The following HSF2BP variants were observed in gnomAD, a reference collection of about 807,000 sequenced individuals.
The protein encoded by HSF2BP is heat shock transcription factor 2 binding protein.
Under a neutral mutation model 35.0 loss-of-function variants are expected in HSF2BP, and 35 were observed. The ratio of observed to expected loss-of-function variants is 1.00; its 90% CI spans 0.76 to 1.32. The LOEUF (loss-of-function observed/expected upper bound fraction) is 1.32. Among genes scored for constraint, HSF2BP ranks in the 40% most tolerant of loss-of-function variants. HSF2BP has a pLI of 0.00. For synonymous variants in HSF2BP, 114 were observed against 117.4 expected (o/e 0.97, Z 0.18); for missense variants, 326 against 321.7 (o/e 1.01, Z -0.10).
chr21:43,581,333 C>T (rs1053769051), intron 8 of HSF2BP, among the ~76,000 whole-genome samples: 19 of 151,658 alleles, frequency 1.3e-4, no homozygotes, highest in Admixed American at 7.9e-4. Context: ...TTGCAGTGAG[C>T]CAAGATCACG....
At chr21:43,632,110 C>A (rs552174516) in intron 5 of HSF2BP, among the ~76,000 whole-genome samples, 8 of 55,180 alleles carry the variant, frequency 1.4e-4, no homozygotes, top group African/African-American at 5.6e-4. Context: ...TCTCCCCACA[C>A]ACACGCTCCC....
intron 5 of HSF2BP, among the ~76,000 whole-genome samples, chr21:43,632,271 TC>T (rs1364461461): frequency 1.0e-4 from 1 of 9,916 alleles, no homozygotes; most frequent in African/African-American, 6.9e-4. Flanking sequence ...ACACACACGC[TC>T]CCCCCACACA....
At chr21:43,654,153 A>G (rs2082834298) in intron 3 of HSF2BP, among the ~76,000 whole-genome samples, 1 of 152,250 alleles carries the variant, frequency 6.6e-6, no homozygotes, top group East Asian at 1.9e-4. Flanking sequence ...GTAAAGTGTC[A>G]TAATGACCTC....
intron 8 of HSF2BP, among the ~76,000 whole-genome samples, chr21:43,588,238 T>A (rs1035782566): frequency 6.6e-6 from 1 of 151,902 alleles, no homozygotes; most frequent in Admixed American, 6.6e-5. Flanking sequence ...ATTAGCCAGG[T>A]GTAGTGGCAG....
At chr21:43,603,908 T>C (rs1419505203) in intron 7 of HSF2BP, among the ~76,000 whole-genome samples, 1 of 152,132 alleles carries the variant, frequency 6.6e-6, no homozygotes, top group African/African-American at 2.4e-5. Flanking sequence ...GACATGGACA[T>C]GTGGCCCAAT....
chr21:43,587,768 C>T (rs2081874254), intron 8 of HSF2BP, among the ~76,000 whole-genome samples: 1 of 151,562 alleles, frequency 6.6e-6, no homozygotes, highest in South Asian at 2.1e-4. Flanking sequence ...ATCCATAAGC[C>T]AAAGCTTAAG....
chr21:43,642,643 G>A lies in HSF2BP; in HGVS notation c.291+1646C>T, dbSNP rs530325822. Reference sequence around the variant, plus strand: ...TATATTAAATTGGACTATTCAACAAGATTTTTAACTATAAATAGGGAATAG... The same window carrying A: ...TATATTAAATTGGACTATTCAACAAAATTTTTAACTATAAATAGGGAATAG... On this transcript the variant is annotated intron_variant, in intron 4 of 8. Transcript: ENST00000291560. Among the ~76,000 whole-genome samples, 25 of 152,120 alleles carry A rather than the reference G, an allele frequency of 1.6e-4. 1 individual carries two copies. The East Asian group carries it at 4.8e-3, about 29-fold the overall frequency.
At chr21:43,616,299 G>T (rs2146934614) in intron 6 of HSF2BP, among the ~76,000 whole-genome samples, 1 of 152,284 alleles carries the variant, frequency 6.6e-6, no homozygotes, top group South Asian at 2.1e-4. Context: ...GAGTCACTAT[G>T]AAAGAGTCCA....
Position 43,659,482 on chromosome 21 carries a change from C to T in HSF2BP, c.-321G>A. 2 of 479,702 alleles carry T rather than the reference C, an allele frequency of 4.2e-6. No homozygotes were observed. Among genetic ancestry groups the T allele is most frequent in the Admixed American group, 5.3e-5 (1 of 18,898 alleles). 29.7% of individuals were successfully genotyped at this position (479,702 alleles called of 1,614,324 possible). A position where few individuals can be genotyped will look rare whatever the true frequency, so the allele number is the denominator to read the frequency against. On this transcript the variant is annotated 5_prime_UTR_variant, in exon 1 of 9. Coordinates refer to ENST00000291560, the MANE Select transcript of HSF2BP (RefSeq NM_007031.2). The surrounding 1 kb of genome is among the most constrained non-coding windows in gnomAD (Gnocchi z 4.2). Reference sequence around the variant, plus strand: ...CTCCGCCAGCTGCCAGGGCCACTGCCGCGCTCACTCCCAGAGCGCGCTGCG... The same window carrying T: ...CTCCGCCAGCTGCCAGGGCCACTGCTGCGCTCACTCCCAGAGCGCGCTGCG...
rs147495134 is a variant in HSF2BP at position 43,588,000 on chromosome 21, T to A, written c.796+4225A>T. Among the ~76,000 whole-genome samples, 6 of 152,322 alleles carry A rather than the reference T, an allele frequency of 3.9e-5. No homozygotes were observed. In the East Asian group the frequency reaches 1.2e-3, roughly 29 times the overall value. ...TAGGATTACTGGCTGCAAATTAGCC[T>A]AAGTAGAGACTGGCATATTGTTTCA... On this transcript the variant is annotated intron_variant, in intron 8 of 8. Transcript: ENST00000291560.
chr21:43,595,778 G>A (rs1485824772), intron 7 of HSF2BP, among the ~76,000 whole-genome samples: 1 of 102,994 alleles, frequency 9.7e-6, no homozygotes, highest in East Asian at 3.4e-4. Flanking sequence ...GAGTTAGAGT[G>A]CAGTGGCGCC....
chr21:43,645,545 A>G (rs183720082), intron 3 of HSF2BP, among the ~76,000 whole-genome samples: 1 of 152,210 alleles, frequency 6.6e-6, no homozygotes, highest in South Asian at 2.1e-4. Context: ...CAGCTACCTA[A>G]TATTTGTCAC....
rs2081936587 is a variant in HSF2BP, at chr21:43,592,300, T to C, written c.721A>G (p.Ser241Gly). 1.2e-6 allele frequency: 2 copies of C among 1,613,176 alleles called. No homozygotes were observed. The highest frequency in any genetic ancestry group is 1.7e-5 in the Admixed American group (1 of 59,988). ...TATTTCAAGCCTTTCAAATTGATGC[T>C]TACATTGTATAGGGACATCAGCATT... ...VLMLMSLYNVSINLKGLKYIS... is the reference protein window; with the variant it reads ...VLMLMSLYNVGINLKGLKYIS... The change falls in exon 8 of 9, where the codon AGC (serine) becomes GGC (glycine). Residue 241 changes from serine (S) to glycine (G), a missense_variant. Transcript: ENST00000291560.
chr21:43,575,078 G>A (rs2081625751), intron 8 of HSF2BP, among the ~76,000 whole-genome samples: 1 of 152,184 alleles, frequency 6.6e-6, no homozygotes, highest in South Asian at 2.1e-4. Flanking sequence ...GTGCTTTTCA[G>A]GCAGCTCCTT....
intron 7 of HSF2BP, among the ~76,000 whole-genome samples, chr21:43,596,029 A>G (rs1234889819): frequency 6.6e-6 from 1 of 151,944 alleles, no homozygotes; most frequent in African/African-American, 2.4e-5. Flanking sequence ...AAGGCTAAAT[A>G]TTTCATACTG....
intron 7 of HSF2BP, among the ~76,000 whole-genome samples, chr21:43,601,150 G>T (rs2082046935): frequency 6.6e-6 from 1 of 152,072 alleles, no homozygotes; most frequent in Non-Finnish European, 1.5e-5. Context: ...ACGTTCTCTG[G>T]AGTACACATG....
intron 6 of HSF2BP, 130 bp downstream of exon 6, chr21:43,630,187 ATAGTG>A (rs1268296680): frequency 3.7e-5 from 24 of 646,476 alleles, no homozygotes; most frequent in Non-Finnish European, 5.4e-5. Context: ...AGACTACAGT[ATAGTG>A]TAAACATAAT....
rs1555859798 is a variant in HSF2BP, at chr21:43,596,904, A to AG, written c.693-4577_693-4576insC. Among the ~76,000 whole-genome samples, 167 of 136,020 alleles carry AG rather than the reference A, an allele frequency of 1.2e-3. 18 individuals are homozygous for AG. Among genetic ancestry groups the AG allele is most frequent in the African/African-American group, 1.4e-3 (51 of 35,952 alleles). The allele number at this position is 136,020 out of a possible 152,430, so 89.2% of individuals were successfully genotyped here. A position where few individuals can be genotyped will look rare whatever the true frequency, so the allele number is the denominator to read the frequency against. On this transcript the variant is annotated intron_variant, in intron 7 of 8. Transcript: ENST00000291560. ...CCTGTCTCAAAAAAAAAAAAAAAAA[A>AG]AGAGAATTTTTTTTTATAAAGAGGC...
intron 3 of HSF2BP, among the ~76,000 whole-genome samples, chr21:43,653,694 G>A (rs1052830151): frequency 3.9e-5 from 6 of 152,148 alleles, no homozygotes; most frequent in African/African-American, 1.4e-4. Context: ...CAGGTGAATG[G>A]CATCATCAGA....
Sources: allele counts gnomAD v4.1 joint callset (sites outside exome capture counted in the v4.1 genomes callset), GRCh38; gene constraint gnomAD v4.1.1; non-coding constraint Gnocchi (gnomAD v3.1); transcripts MANE v1.5; gene names NCBI Gene and HGNC (gene_info 2026-07-23, HGNC 2026-07-21).